TXNRD1: variants seen among roughly 807,000 people sequenced by gnomAD.
The protein encoded by TXNRD1 is thioredoxin reductase 1, also known as thioredoxin reductase 1, cytoplasmic.
Under a neutral mutation model 80.3 loss-of-function variants are expected in TXNRD1, and 57 were observed. The observed-to-expected ratio is 0.71, with a 90% CI of 0.57 to 0.89. The LOEUF is 0.89. Ranked by LOEUF, TXNRD1 falls within the 40% of genes least tolerant of loss-of-function variation. The pLI is 0.00. For synonymous variants in TXNRD1, 291 were observed against 285.2 expected (o/e 1.02, Z -0.20); for missense variants, 730 against 803.0 (o/e 0.91, Z 1.10).
intron 3 of TXNRD1, among the ~76,000 whole-genome samples, chr12:104,259,662 T>C (rs546881040): frequency 2.0e-5 from 3 of 151,918 alleles, no homozygotes; most frequent in African/African-American, 7.2e-5. Context: ...TGGCTAATTT[T>C]GTATTTTTAG....
At chr12:104,337,945 C>A (rs796555269) in intron 15 of TXNRD1, among the ~76,000 whole-genome samples, 2 of 145,798 alleles carry the variant, frequency 1.4e-5, no homozygotes, top group Non-Finnish European at 3.0e-5. Context: ...AGCCACTGTG[C>A]CCAGCTAATT....
At position 104,318,931 on chromosome 12, in the gene TXNRD1, G is replaced by A; in HGVS notation, c.749G>A (p.Arg250Lys). 6.2e-7 allele frequency: 1 copy of A among 1,612,568 alleles called. No individual in the cohort carries two copies. The highest frequency in any genetic ancestry group is 1.7e-5 in the Admixed American group (1 of 59,648). ...VEETVKHDWDRMIEAVQNHIG... is the reference protein window; with the variant it reads ...VEETVKHDWDKMIEAVQNHIG... Reference sequence around the variant, plus strand: ...TATACAGTTAAGCATGATTGGGACAGAATGATAGAAGCTGTACAGAATCAC... The same window carrying A: ...TATACAGTTAAGCATGATTGGGACAAAATGATAGAAGCTGTACAGAATCAC... Residue 250 changes from arginine (R) to lysine (K), a missense_variant, in exon 8 of 17, where the codon AGA (arginine) becomes AAA (lysine). Arg to Lys is a conservative substitution (Grantham distance 26, BLOSUM62 2). Transcript: ENST00000525566.
intron 9 of TXNRD1, among the ~76,000 whole-genome samples, chr12:104,320,886 G>C (rs1178553950): frequency 1.3e-5 from 2 of 152,166 alleles, no homozygotes; most frequent in Admixed American, 1.3e-4. Context: ...TGGGTAGCTT[G>C]AGCTACTCCC....
At chr12:104,254,630 G>A (rs12830016) in intron 2 of TXNRD1, among the ~76,000 whole-genome samples, 9 of 17,300 alleles carry the variant, frequency 5.2e-4, no homozygotes, top group South Asian at 2.9e-3. Context: ...TATGTCTATG[G>A]AAAAAAAAAA....
chr12:104,297,823 A>G (rs912670094), intron 4 of TXNRD1, among the ~76,000 whole-genome samples: 3 of 152,218 alleles, frequency 2.0e-5, no homozygotes, highest in Non-Finnish European at 4.4e-5. Flanking sequence ...ATCCTTTAGT[A>G]GCCACATACC....
intron 16 of TXNRD1, among the ~76,000 whole-genome samples, chr12:104,340,136 T>A (rs1480017438): frequency 2.6e-5 from 4 of 152,248 alleles, no homozygotes; most frequent in Admixed American, 1.3e-4. Flanking sequence ...AGAATCCTCC[T>A]CTATTAATAG....
chr12:104,334,976 C>T (rs1413447485), intron 15 of TXNRD1, among the ~76,000 whole-genome samples: 1 of 152,122 alleles, frequency 6.6e-6, no homozygotes, highest in East Asian at 1.9e-4. Context: ...AGGAGCAATG[C>T]ACGTTTGATC....
chr12:104,340,444 G>A lies in TXNRD1; in HGVS notation c.1881+1171G>A, dbSNP rs560142588. Among the ~76,000 whole-genome samples, 48 of 152,304 alleles carry A rather than the reference G, an allele frequency of 3.2e-4. 1 individual carries two copies. Among genetic ancestry groups the A allele is most frequent in the Admixed American group, 3.1e-3 (48 of 15,286 alleles). ...CAAACTGGGTGGCTTAAAAATAGCA[G>A]ATATTTCCTCCCTCTCAGTTCTGGA... On this transcript the variant is annotated intron_variant, in intron 16 of 16. Transcript: ENST00000525566.
At chr12:104,318,743 A>G (rs1348364132) in intron 7 of TXNRD1, among the ~76,000 whole-genome samples, 170 bp from the exon 8 acceptor site, 1 of 152,204 alleles carries the variant, frequency 6.6e-6, no homozygotes, top group Non-Finnish European at 1.5e-5. Context: ...GTCTTATAAG[A>G]GAATACTTGA....
intron 4 of TXNRD1, chr12:104,291,032 C>T: frequency 1.5e-6 from 1 of 682,034 alleles, no homozygotes; most frequent in Non-Finnish European, 2.6e-6. Context: ...TGGTCTTGAA[C>T]TCCTGGGCTC....
intron 3 of TXNRD1, among the ~76,000 whole-genome samples, chr12:104,268,540 AAG>A (rs1346576848): frequency 6.6e-6 from 1 of 151,654 alleles, no homozygotes; most frequent in Non-Finnish European, 1.5e-5. Flanking sequence ...AAAAGAAAGA[AAG>A]AGAGTATCAC....
intron 4 of TXNRD1, among the ~76,000 whole-genome samples, chr12:104,298,249 G>A (rs1374756838): frequency 2.6e-5 from 4 of 152,142 alleles, no homozygotes; most frequent in Non-Finnish European, 5.9e-5. Flanking sequence ...CAGACTATTT[G>A]TGGATCTGCT....
At chr12:104,287,751 C>T (rs997751126) in intron 3 of TXNRD1, among the ~76,000 whole-genome samples, 2 of 152,164 alleles carry the variant, frequency 1.3e-5, no homozygotes, top group African/African-American at 2.4e-5. Flanking sequence ...TGATTAAACG[C>T]GTCGACCACA....
intron 1 of TXNRD1, among the ~76,000 whole-genome samples, chr12:104,220,027 A>G (rs1328962658): frequency 4.6e-5 from 7 of 152,306 alleles, no homozygotes; most frequent in East Asian, 1.9e-4. Flanking sequence ...AAGTGATTCT[A>G]TTTGAACCAA....
intron 1 of TXNRD1, among the ~76,000 whole-genome samples, chr12:104,234,801 T>G (rs1045335709): frequency 1.3e-5 from 2 of 151,864 alleles, no homozygotes; most frequent in African/African-American, 4.8e-5. Context: ...TCTCCTATAG[T>G]AGGCCAGAAG....
chr12:104,230,105 T>C (rs1278301609), intron 1 of TXNRD1, among the ~76,000 whole-genome samples: 1 of 152,142 alleles, frequency 6.6e-6, no homozygotes, highest in Non-Finnish European at 1.5e-5. Flanking sequence ...ATTCTTGCTC[T>C]GTCACCCAGG....
chr12:104,229,515 G>A (rs991733855), intron 1 of TXNRD1, among the ~76,000 whole-genome samples: 1 of 151,524 alleles, frequency 6.6e-6, no homozygotes, highest in South Asian at 2.1e-4. Context: ...GCATGTATTA[G>A]TACTTCTTTT....
intron 3 of TXNRD1, chr12:104,287,035 C>T (rs2033990818): frequency 1.4e-6 from 2 of 1,386,764 alleles, no homozygotes; most frequent in Non-Finnish European, 1.9e-6. Context: ...TTTCTTCACT[C>T]CGGCATTTGC....
At chr12:104,344,326 A>G (rs2036423951) in intron 16 of TXNRD1, among the ~76,000 whole-genome samples, 3 of 151,328 alleles carry the variant, frequency 2.0e-5, no homozygotes, top group African/African-American at 4.9e-5. Flanking sequence ...GGGGTTGGAG[A>G]GAGATACATA....
Sources: gnomAD v4.1 joint callset for allele counts (sites outside exome capture counted in the v4.1 genomes callset) on GRCh38, gnomAD v4.1.1 for gene constraint, MANE v1.5 for transcripts, NCBI Gene and HGNC (gene_info 2026-07-23, HGNC 2026-07-21) for gene names.